The following SAMMSON variants were observed in gnomAD, a reference collection of about 807,000 sequenced individuals.
SAMMSON encodes survival associated mitochondrial melanoma specific oncogenic non-coding RNA.
intron 6 of SAMMSON, among the ~76,000 whole-genome samples, chr3:70,252,752 CA>C (rs1193199116): frequency 6.6e-6 from 1 of 151,976 alleles, no homozygotes; most frequent in African/African-American, 2.4e-5. Flanking sequence ...GTGGATACAT[CA>C]GTGAACAAAA....
intron 4 of SAMMSON, among the ~76,000 whole-genome samples, chr3:70,213,762 T>C (rs1205979852): frequency 1.3e-5 from 2 of 152,096 alleles, no homozygotes; most frequent in Non-Finnish European, 2.9e-5. Context: ...ATACAATATA[T>C]AAAATACAGG....
At position 70,143,511 on chromosome 3, in the gene SAMMSON, A is replaced by T. The variant is rs75076647; in HGVS notation, n.507+71946A>T. ...CCCTCACCCTGCCAATCTACTCTCTATTCTTCTCTACCCTGTTCCTGGCTC... is the reference window on the plus strand; with the variant it reads ...CCCTCACCCTGCCAATCTACTCTCTTTTCTTCTCTACCCTGTTCCTGGCTC... On this transcript the variant is annotated intron_variant and non_coding_transcript_variant, in intron 4 of 9. Transcript: ENST00000642114. 3.5e-3 allele frequency among the ~76,000 whole-genome samples: 536 copies of T among 152,096 alleles called. 21 individuals are homozygous for T. In the East Asian group the frequency reaches 0.094, roughly 27 times the overall value.
At chr3:70,085,742 T>C (rs564657137) in intron 4 of SAMMSON, among the ~76,000 whole-genome samples, 1 of 152,326 alleles carries the variant, frequency 6.6e-6, no homozygotes, top group African/African-American at 2.4e-5. Flanking sequence ...AATTATATAG[T>C]GTCAGCTTCT....
intron 4 of SAMMSON, among the ~76,000 whole-genome samples, chr3:70,081,480 A>G (rs888368491): frequency 6.6e-6 from 1 of 152,136 alleles, no homozygotes. Context: ...TTTCATCCTA[A>G]CAAGACTGTA....
chr3:70,289,839 C>T (rs1452912053), intron 6 of SAMMSON, among the ~76,000 whole-genome samples: 1 of 152,154 alleles, frequency 6.6e-6, no homozygotes, highest in East Asian at 1.9e-4. Flanking sequence ...CCCTTTCTTC[C>T]AGTTGATTGC....
At chr3:70,403,558 A>G (rs890645663) in intron 2 of SAMMSON, among the ~76,000 whole-genome samples, 1 of 152,194 alleles carries the variant, frequency 6.6e-6, no homozygotes, top group African/African-American at 2.4e-5. Context: ...TCTTTTGTGT[A>G]AATAAAGTTT....
At chr3:70,139,706 C>T (rs1187299782) in intron 4 of SAMMSON, among the ~76,000 whole-genome samples, 1 of 152,148 alleles carries the variant, frequency 6.6e-6, no homozygotes, top group Non-Finnish European at 1.5e-5. Flanking sequence ...TGAAATTGCT[C>T]GGCCCCCTGG....
chr3:70,328,962 T>C (rs1030099767), intron 7 of SAMMSON, among the ~76,000 whole-genome samples: 5 of 152,102 alleles, frequency 3.3e-5, no homozygotes, highest in African/African-American at 1.2e-4. Flanking sequence ...AAAAGATAAA[T>C]GACAACAGAC....
intron 3 of SAMMSON, among the ~76,000 whole-genome samples, chr3:70,029,448 T>C (rs938643264): frequency 6.6e-6 from 1 of 152,136 alleles, no homozygotes; most frequent in Non-Finnish European, 1.5e-5. Flanking sequence ...TAGCATTATC[T>C]TTCTATTAAT....
At chr3:70,053,664 G>A (rs1006676439) in intron 3 of SAMMSON, among the ~76,000 whole-genome samples, 5 of 152,062 alleles carry the variant, frequency 3.3e-5, no homozygotes, top group Non-Finnish European at 7.4e-5. Context: ...GAATTTTAAT[G>A]GAATTAGTTC....
At chr3:70,302,431 A>G (rs1007498242) in intron 7 of SAMMSON, among the ~76,000 whole-genome samples, 4 of 151,920 alleles carry the variant, frequency 2.6e-5, no homozygotes, top group Admixed American at 6.6e-5. Flanking sequence ...TTCCTGAGGC[A>G]TAAAACATAA....
intron 4 of SAMMSON, among the ~76,000 whole-genome samples, chr3:70,211,500 T>TTG (rs750993501): frequency 1.4e-5 from 1 of 70,966 alleles, no homozygotes; most frequent in Non-Finnish European, 3.2e-5. Flanking sequence ...TCCCTTCCCT[T>TTG]CCCTTTGCCC....
intron 4 of SAMMSON, among the ~76,000 whole-genome samples, chr3:70,248,054 T>C (rs555748054): frequency 1.4e-4 from 22 of 152,054 alleles, no homozygotes; most frequent in African/African-American, 4.8e-4. Context: ...AGGAGAATGG[T>C]AAAGGAGATA....
At chr3:70,111,665 T>TAAACC (rs2067389986) in intron 4 of SAMMSON, among the ~76,000 whole-genome samples, 1 of 152,166 alleles carries the variant, frequency 6.6e-6, no homozygotes, top group South Asian at 2.1e-4. Flanking sequence ...AAAGAGGATA[T>TAAACC]TACATAAGTA....
chr3:70,224,497 A>G (rs1373080637), intron 4 of SAMMSON, among the ~76,000 whole-genome samples: 1 of 152,212 alleles, frequency 6.6e-6, no homozygotes, highest in Non-Finnish European at 1.5e-5. Context: ...GCACTTAATG[A>G]GTGTGTTCTC....
chr3:70,428,171 C>T (rs988720892), intron 2 of SAMMSON, among the ~76,000 whole-genome samples: 1 of 152,128 alleles, frequency 6.6e-6, no homozygotes, highest in Non-Finnish European at 1.5e-5. Flanking sequence ...GAAATCAATT[C>T]TCTCCAAATT....
At chr3:70,025,256 T>A (rs973962356) in intron 3 of SAMMSON, 2 of 152,312 alleles carry the variant, frequency 1.3e-5, no homozygotes, top group African/African-American at 4.8e-5. Flanking sequence ...ATTTATTTAT[T>A]TTTTTGAGAT....
At chr3:70,182,301 A>T (rs559131985) in intron 4 of SAMMSON, among the ~76,000 whole-genome samples, 218 of 152,294 alleles carry the variant, frequency 1.4e-3, no homozygotes, top group South Asian at 2.9e-3. Context: ...GGCAGAGCTC[A>T]CAGACGTCGT....
At chr3:70,305,290 CT>C (rs1702388334) in intron 7 of SAMMSON, among the ~76,000 whole-genome samples, 1 of 152,128 alleles carries the variant, frequency 6.6e-6, no homozygotes, top group South Asian at 2.1e-4. Context: ...TTCTTCACCC[CT>C]ATTTTTGTTA....
Sources: allele counts gnomAD v4.1 joint callset (sites outside exome capture counted in the v4.1 genomes callset), GRCh38; gene constraint gnomAD v4.1.1; transcripts MANE v1.5; gene names NCBI Gene and HGNC (gene_info 2026-07-23, HGNC 2026-07-21).